The following CATSPERB variants were observed in gnomAD, a reference collection of about 807,000 sequenced individuals.
The protein encoded by CATSPERB is catsper channel auxiliary subunit beta.
Under a neutral mutation model 128.3 loss-of-function variants are expected in CATSPERB, and 93 were observed. That is an observed-to-expected ratio of 0.72 (90% confidence interval 0.61 to 0.86). CATSPERB has a LOEUF of 0.86. CATSPERB is among the 40% of genes least tolerant of loss of function. CATSPERB has a pLI of 0.00. For missense variants in CATSPERB, 1,153 were observed against 1,329.5 expected (o/e 0.87, Z 2.06); for synonymous variants, 381 against 448.8 (o/e 0.85, Z 1.91).
chr14:91,730,159 A>G (rs1200498817), intron 1 of CATSPERB, among the ~76,000 whole-genome samples: 1 of 152,186 alleles, frequency 6.6e-6, no homozygotes, highest in Non-Finnish European at 1.5e-5. Context: ...ATGTTTGGAG[A>G]TAGGATTTTT....
At chr14:91,615,468 G>A (rs1460827127) in intron 20 of CATSPERB, among the ~76,000 whole-genome samples, 1 of 152,120 alleles carries the variant, frequency 6.6e-6, no homozygotes, top group Non-Finnish European at 1.5e-5. Flanking sequence ...CTTACCTCCA[G>A]CTCTGTAACC....
intron 15 of CATSPERB, among the ~76,000 whole-genome samples, chr14:91,640,477 G>A (rs1466916413): frequency 5.5e-4 from 63 of 114,306 alleles, no homozygotes; most frequent in Non-Finnish European, 8.3e-4. Context: ...TCCCACCTAT[G>A]AGTGAGAATA....
intron 19 of CATSPERB, among the ~76,000 whole-genome samples, 191 bp from the exon 20 acceptor site, chr14:91,617,927 C>T (rs1441882185): frequency 1.3e-5 from 2 of 152,150 alleles, no homozygotes; most frequent in African/African-American, 4.8e-5. Flanking sequence ...GGTCCTGATC[C>T]AGACCCCAAG....
At chr14:91,614,689 G>A (rs1893902642) in intron 20 of CATSPERB, among the ~76,000 whole-genome samples, 1 of 152,120 alleles carries the variant, frequency 6.6e-6, no homozygotes, top group African/African-American at 2.4e-5. Context: ...CCAGCTACTA[G>A]GGAGACTGAG....
intron 7 of CATSPERB, among the ~76,000 whole-genome samples, chr14:91,701,500 T>A (rs952202538): frequency 6.6e-6 from 1 of 152,140 alleles, no homozygotes; most frequent in African/African-American, 2.4e-5. Flanking sequence ...TTTGGGTGGA[T>A]AGAGCGGGAT....
At chr14:91,606,880 G>GA (rs33967816) in intron 22 of CATSPERB, among the ~76,000 whole-genome samples, 119,784 of 151,756 alleles carry the variant, frequency 0.79, 47,583 homozygotes, top group East Asian at 0.9. Context: ...AAATCCTGGT[G>GA]AAAAACCTGG....
intron 13 of CATSPERB, among the ~76,000 whole-genome samples, chr14:91,671,679 T>C (rs985921069): frequency 2.0e-5 from 3 of 152,114 alleles, no homozygotes; most frequent in Admixed American, 2.0e-4. Context: ...TTCTTTTTTT[T>C]TAAAAGCAAT....
At chr14:91,665,580 C>T (rs953871775) in intron 14 of CATSPERB, among the ~76,000 whole-genome samples, 1 of 152,072 alleles carries the variant, frequency 6.6e-6, no homozygotes, top group Non-Finnish European at 1.5e-5. Context: ...AGATTTTAAA[C>T]TGATATTGGC....
At chr14:91,703,413 C>T (rs917124275) in intron 7 of CATSPERB, among the ~76,000 whole-genome samples, 1 of 152,126 alleles carries the variant, frequency 6.6e-6, no homozygotes, top group African/African-American at 2.4e-5. Flanking sequence ...TACAGAACCC[C>T]TAAACTCCTT....
rs890009785 is a variant in CATSPERB at position 91,659,868 on chromosome 14, A to G, written c.1401T>C (p.Ser467=). The change falls in exon 15 of 27, where the codon TCT becomes TCC. Residue 467 remains serine (S), a synonymous_variant. Transcript: ENST00000256343. ...TTGTCGAGTAAACCTTTCCACGTTGAGAAACAAAAGTAATAGCTGATGTAT... is the reference window on the plus strand; with the variant it reads ...TTGTCGAGTAAACCTTTCCACGTTGGGAAACAAAAGTAATAGCTGATGTAT... ...SFYTSAITFV[S]QRGKVYSTKA... is the part of the protein sequence containing the mutation. 6.8e-6 allele frequency: 11 copies of G among 1,606,464 alleles called. No individual in the cohort carries two copies. Among genetic ancestry groups the G allele is most frequent in the Non-Finnish European group, 8.5e-6 (10 of 1,178,264 alleles).
intron 26 of CATSPERB, among the ~76,000 whole-genome samples, chr14:91,585,743 T>C (rs1292615225): frequency 6.6e-6 from 1 of 152,220 alleles, no homozygotes; most frequent in African/African-American, 2.4e-5. Flanking sequence ...ATATGGTGAA[T>C]AATATCAGAT....
At chr14:91,687,970 C>T (rs1188415208) in intron 10 of CATSPERB, among the ~76,000 whole-genome samples, 3 of 138,856 alleles carry the variant, frequency 2.2e-5, no homozygotes, top group African/African-American at 7.9e-5. Context: ...AAAAAAAAAT[C>T]CTTATCTAGT....
chr14:91,615,919 GC>G (rs1893928009), intron 20 of CATSPERB, among the ~76,000 whole-genome samples: 1 of 126,828 alleles, frequency 7.9e-6, no homozygotes, highest in Non-Finnish European at 1.6e-5. Context: ...TCTCTCTGTT[GC>G]CCAGGCTGGA....
intron 14 of CATSPERB, 150 bp from the exon 15 acceptor site, chr14:91,660,131 C>T: frequency 1.6e-6 from 1 of 620,498 alleles, no homozygotes; most frequent in Non-Finnish European, 2.8e-6. Context: ...CACACACACA[C>T]ACACACACAC....
chr14:91,617,625 A>G lies in CATSPERB; in HGVS notation c.2372T>C (p.Ile791Thr). The G allele has an allele frequency of 6.3e-7, 1 of 1,586,124 alleles. No homozygotes were observed. The highest frequency in any genetic ancestry group is 1.2e-5 in the South Asian group (1 of 84,344). ...FDDTDSYVIT[I>T]SAASKVLHQG... ...ATGTAAAACTTTGCTAGCTGCAGAA[A>G]TTGTTATTACATAACTGTCAGTATC... Residue 791 changes from isoleucine to threonine, a missense_variant, in exon 20 of 27, where the codon ATT becomes ACT. Ile to Thr is a moderately conservative substitution (Grantham distance 89). Coordinates refer to ENST00000256343, the MANE Select transcript of CATSPERB (RefSeq NM_024764.4).
Position 91,692,440 on chromosome 14 carries a change from G to C in CATSPERB, c.831+686C>G, listed in dbSNP as rs111560378. On this transcript the variant is annotated intron_variant, in intron 9 of 26. Transcript: ENST00000256343. ...TATAATAAGCATTTTAAAAACCCCA[G>C]ATCCCCTAGTCATCTGAGCAACAAA... is the stretch of plus-strand genomic sequence containing the variant. 5.4e-3 allele frequency among the ~76,000 whole-genome samples: 828 copies of C among 152,248 alleles called. 10 individuals are homozygous for C. Among genetic ancestry groups the C allele is most frequent in the African/African-American group, 0.019 (778 of 41,546 alleles).
In CATSPERB at chr14:91,729,447, CA is replaced by C. The variant is rs1304505246; in HGVS notation, c.32del (p.Leu11CysfsTer3). 5 of 1,537,024 alleles carry C rather than the reference CA, an allele frequency of 3.3e-6. No homozygotes were observed. Among genetic ancestry groups the C allele is most frequent in the Non-Finnish European group, 4.5e-6 (5 of 1,119,722 alleles). On this transcript the variant is annotated frameshift_variant, in exon 2 of 27. Transcript: ENST00000256343. LOFTEE classifies it high-confidence loss of function. ...ATGAAAATTCAAATATGTTCAAAAG[CA>C]AAACTGAAACATATATAAGTGGCGA... MESPLIYVSV[L>X]LLNIFEFSSG... is the part of the protein sequence containing the mutation.
chr14:91,693,342 T>C (rs768877494), intron 8 of CATSPERB, 42 bp downstream of exon 8: 7 of 1,561,474 alleles, frequency 4.5e-6, no homozygotes, highest in Admixed American at 3.4e-5. Flanking sequence ...AATATTGATG[T>C]AAGTAAAATG....
At chr14:91,709,920 G>C (rs973772465) in intron 5 of CATSPERB, 1 of 152,244 alleles carries the variant, frequency 6.6e-6, no homozygotes, top group South Asian at 2.1e-4. Flanking sequence ...TTATTAACTA[G>C]CATGCACTTC....
Sources: gnomAD v4.1 joint callset for allele counts (sites outside exome capture counted in the v4.1 genomes callset) on GRCh38, gnomAD v4.1.1 for gene constraint, MANE v1.5 for transcripts, NCBI Gene and HGNC (gene_info 2026-07-23, HGNC 2026-07-21) for gene names.